Variants in ACSF3 observed in about 807,000 individuals in gnomAD.
ACSF3 encodes malonate--CoA ligase ACSF3, mitochondrial.
A neutral mutation model predicts 53.2 loss-of-function variants in ACSF3; 78 were observed. That is an observed-to-expected ratio of 1.47 (90% confidence interval 1.22 to 1.77). The LOEUF (loss-of-function observed/expected upper bound fraction) is 1.77. ACSF3 is among the 40% of genes most tolerant of loss of function. The pLI is 0.00. For synonymous variants in ACSF3, 414 were observed against 333.1 expected (o/e 1.24, Z -2.65); for missense variants, 937 against 771.1 (o/e 1.22, Z -2.55).
chr16:89,114,474 C>T lies in ACSF3; in HGVS notation c.1113C>T (p.Ala371=), dbSNP rs201792144. 103 of 1,612,854 alleles carry T rather than the reference C, an allele frequency of 6.4e-5. No homozygotes were observed. The highest frequency in any genetic ancestry group is 8.8e-5 in the South Asian group (8 of 91,074). ...GMALSGPLTT[A]VRLPGSVGTP... ...CTCTGTCCGGGCCCCTGACCACTGC[C>T]GTGCGCCTGCCAGGTACGAGCACTT... Residue 371 remains alanine (A), a synonymous_variant, in exon 6 of 11, where the codon GCC becomes GCT. Transcript: ENST00000614302.
At chr16:89,098,515 TTGAG>T in intron 1 of ACSF3, 72 bp from the exon 2 acceptor site, 1 of 378,060 alleles carries the variant, frequency 2.6e-6, no homozygotes, top group South Asian at 1.9e-5. Flanking sequence ...CCTTCCCCCA[TTGAG>T]TGTTGAGTGT....
chr16:89,121,851 G>A (rs548094378), intron 7 of ACSF3, among the ~76,000 whole-genome samples: 3 of 152,346 alleles, frequency 2.0e-5, no homozygotes, highest in South Asian at 2.1e-4. Flanking sequence ...GGGTTGGAGC[G>A]ATGGTCGTGG....
At chr16:89,117,222 A>G (rs1435518540) in intron 6 of ACSF3, among the ~76,000 whole-genome samples, 1 of 152,124 alleles carries the variant, frequency 6.6e-6, no homozygotes, top group Non-Finnish European at 1.5e-5. Context: ...CATCCACAGC[A>G]TTGCTTTGTG....
chr16:89,145,061 G>C, intron 8 of ACSF3: 1 of 1,400,192 alleles, frequency 7.1e-7, no homozygotes, highest in Non-Finnish European at 9.8e-7. Flanking sequence ...GTCCCACCTT[G>C]GGACGCACGT....
intron 8 of ACSF3, among the ~76,000 whole-genome samples, chr16:89,140,674 T>C (rs549867123): frequency 6.6e-6 from 1 of 152,270 alleles, no homozygotes; most frequent in African/African-American, 2.4e-5. Context: ...GTTCTTATCT[T>C]GCGTGCGGGT....
chr16:89,135,887 G>A (rs1910350194), intron 8 of ACSF3, among the ~76,000 whole-genome samples: 1 of 152,224 alleles, frequency 6.6e-6, no homozygotes. Flanking sequence ...CAATTCTCCT[G>A]CCTCAGCCTC....
intron 6 of ACSF3, among the ~76,000 whole-genome samples, chr16:89,119,033 T>C (rs543170919): frequency 1.3e-5 from 2 of 151,808 alleles, no homozygotes; most frequent in African/African-American, 4.8e-5. Flanking sequence ...GCACCTGGAG[T>C]GTGGGGGCCC....
intron 6 of ACSF3, among the ~76,000 whole-genome samples, chr16:89,120,065 C>G (rs1466751414): frequency 6.6e-6 from 1 of 152,268 alleles, no homozygotes; most frequent in Non-Finnish European, 1.5e-5. Flanking sequence ...TGAGCAGCCT[C>G]TGCCGTCCCA....
chr16:89,134,367 C>T (rs1431313971), intron 8 of ACSF3, among the ~76,000 whole-genome samples: 3 of 152,190 alleles, frequency 2.0e-5, no homozygotes, highest in Non-Finnish European at 4.4e-5. Context: ...AACGTGGGTG[C>T]TTAGCCGTGC....
chr16:89,119,995 C>T (rs529396875), intron 6 of ACSF3, among the ~76,000 whole-genome samples: 1 of 152,380 alleles, frequency 6.6e-6, no homozygotes, highest in Admixed American at 6.5e-5. Flanking sequence ...GGAAGTCCCA[C>T]GTCTGCTCTG....
chr16:89,130,286 T>C (rs963012816), intron 7 of ACSF3, among the ~76,000 whole-genome samples: 1 of 152,194 alleles, frequency 6.6e-6, no homozygotes, highest in Non-Finnish European at 1.5e-5. Context: ...AAAATATGAT[T>C]CTTGGCTGGA....
chr16:89,153,959 C>A, intron 10 of ACSF3, 131 bp from the exon 11 acceptor site: 2 of 906,920 alleles, frequency 2.2e-6, no homozygotes, highest in South Asian at 2.9e-5. Context: ...ACCTGCCTGG[C>A]CTCAGGATGG....
intron 7 of ACSF3, among the ~76,000 whole-genome samples, chr16:89,124,194 C>T (rs1907415441): frequency 6.6e-6 from 1 of 152,106 alleles, no homozygotes; most frequent in Non-Finnish European, 1.5e-5. Context: ...AGCTGTTACA[C>T]ACATAAATAC....
intron 4 of ACSF3, 126 bp downstream of exon 4, chr16:89,102,885 C>G: frequency 7.3e-7 from 1 of 1,377,512 alleles, no homozygotes; most frequent in South Asian, 1.2e-5. Flanking sequence ...GGCTCTCGGC[C>G]GCGCCCTCAG....
intron 8 of ACSF3, chr16:89,141,394 G>C: frequency 9.1e-7 from 1 of 1,100,548 alleles, no homozygotes; most frequent in South Asian, 1.4e-5. Flanking sequence ...GGCAAGCTCA[G>C]GGCTGGGAGG....
intron 4 of ACSF3, among the ~76,000 whole-genome samples, chr16:89,103,852 C>T (rs1036820908): frequency 3.9e-5 from 6 of 152,190 alleles, no homozygotes; most frequent in Admixed American, 2.0e-4. Flanking sequence ...TCACACAGAG[C>T]GCTGGGGTGG....
intron 1 of ACSF3, among the ~76,000 whole-genome samples, chr16:89,094,200 C>T (rs1974340777): frequency 6.6e-6 from 1 of 151,872 alleles, no homozygotes; most frequent in Admixed American, 6.6e-5. Context: ...GGAGCGGGGC[C>T]CCCGCGCGGG....
Position 89,111,710 on chromosome 16 carries a change from G to A in ACSF3, c.823-382G>A, listed in dbSNP as rs59112090. On this transcript the variant is annotated intron_variant, in intron 4 of 10. Transcript: ENST00000614302. ...AGACTTCACCCGTTCGCTAGTCACTGCATGCCTGTCCATACTGGGAAGCAT... is the reference window on the plus strand; with the variant it reads ...AGACTTCACCCGTTCGCTAGTCACTACATGCCTGTCCATACTGGGAAGCAT... Among the ~76,000 whole-genome samples, 1,169 of 152,372 alleles carry A rather than the reference G, an allele frequency of 7.7e-3. 19 individuals carry two copies. Among genetic ancestry groups the A allele is most frequent in the African/African-American group, 0.027 (1,115 of 41,586 alleles).
intron 6 of ACSF3, among the ~76,000 whole-genome samples, chr16:89,118,444 C>T (rs971390884): frequency 1.3e-5 from 2 of 152,254 alleles, no homozygotes; most frequent in African/African-American, 2.4e-5. Flanking sequence ...GAGCTTTCCT[C>T]ACTCTCAGGC....
Sources: gnomAD v4.1 joint callset for allele counts (sites outside exome capture counted in the v4.1 genomes callset) on GRCh38, gnomAD v4.1.1 for gene constraint, MANE v1.5 for transcripts, NCBI Gene and HGNC (gene_info 2026-07-23, HGNC 2026-07-21) for gene names.